The following ANKRD24 variants were observed in gnomAD, a reference collection of about 807,000 sequenced individuals.
The protein encoded by ANKRD24 is ankyrin repeat domain 24, also known as ankyrin repeat domain-containing protein 24.
ANKRD24 carries 109 observed loss-of-function variants against 127.8 expected under a neutral mutation model. The observed-to-expected ratio is 0.85, with a 90% CI of 0.73 to 1.00. ANKRD24 has a LOEUF of 1.00. Ranked by LOEUF, ANKRD24 falls within the 50% of genes least tolerant of loss-of-function variation. The pLI, the probability that ANKRD24 is intolerant of heterozygous loss-of-function variation, is 0.00. For synonymous variants in ANKRD24, 743 were observed against 671.1 expected (o/e 1.11, Z -1.66); for missense variants, 1,648 against 1,570.2 (o/e 1.05, Z -0.84).
intron 19 of ANKRD24, among the ~76,000 whole-genome samples, chr19:4,222,076 G>A (rs1410874559): frequency 1.3e-5 from 2 of 152,182 alleles, no homozygotes; most frequent in East Asian, 3.9e-4. Flanking sequence ...CTCTGTGCAG[G>A]ATCACAGCAA....
At position 4,200,116 on chromosome 19, in the gene ANKRD24, C is replaced by T. The variant is rs111250660; in HGVS notation, c.288C>T (p.Ser96=). 1.1e-4 allele frequency: 180 copies of T among 1,605,842 alleles called. 1 individual carries two copies. In the African/African-American group the frequency reaches 2.2e-3, roughly 20 times the overall value. The change falls in exon 5 of 22, where the codon AGC becomes AGT. Residue 96 remains serine (S), a synonymous_variant. Transcript: ENST00000318934. ...TGGCGGCCATGCGGGGTGCGGCCAGCTGTCTGGAGGTGATGATAGCTCATG... is the reference window on the plus strand; with the variant it reads ...TGGCGGCCATGCGGGGTGCGGCCAGTTGTCTGGAGGTGATGATAGCTCATG... ...FHLAAMRGAA[S]CLEVMIAHGS... is the part of the protein sequence containing the mutation.
At position 4,200,015 on chromosome 19, in the gene ANKRD24, C is replaced by T. The variant is rs370556051; in HGVS notation, c.254+10C>T. 38 of 1,562,608 alleles carry T rather than the reference C, an allele frequency of 2.4e-5. No individual in the cohort carries two copies. The highest frequency in any genetic ancestry group is 1.2e-4 in the African/African-American group (9 of 73,706). Reference sequence around the variant, plus strand: ...CCGAGGGCAAGTCCGCGTGAGTGCCCGCGACCCGGGAGTGAGATGGCTGAG... The same window carrying T: ...CCGAGGGCAAGTCCGCGTGAGTGCCTGCGACCCGGGAGTGAGATGGCTGAG... On this transcript the variant is annotated intron_variant, in intron 4 of 21. Transcript: ENST00000318934.
intron 20 of ANKRD24, 42 bp downstream of exon 20, chr19:4,222,837 G>T (rs1336410980): frequency 6.5e-7 from 1 of 1,547,972 alleles, no homozygotes. Context: ...CCATCAGGGT[G>T]GAGGAGTCCA....
intron 7 of ANKRD24, among the ~76,000 whole-genome samples, chr19:4,204,978 C>A (rs998160551): frequency 5.3e-5 from 8 of 152,270 alleles, no homozygotes; most frequent in African/African-American, 1.9e-4. Flanking sequence ...TGGCTCACGC[C>A]TATAATCCCA....
chr19:4,195,141 C>G lies in ANKRD24; in HGVS notation c.37-4542C>G, dbSNP rs1968634354. On this transcript the variant is annotated intron_variant, in intron 2 of 21. Coordinates refer to ENST00000318934, the MANE Select transcript of ANKRD24 (RefSeq NM_001393985.1). The surrounding 1 kb of genome is among the most constrained non-coding windows in gnomAD (Gnocchi z 4.2). ...AGGTTGGAGTGCAGTGGCACGACTT[C>G]TGCTCACTGCAAGCTCCGCCTCCCG... 6.6e-6 allele frequency among the ~76,000 whole-genome samples: 1 copy of G among 152,068 alleles called. No homozygotes were observed. The highest frequency in any genetic ancestry group is 1.5e-5 in the Non-Finnish European group (1 of 68,024).
chr19:4,188,031 C>CT, intron 2 of ANKRD24, among the ~76,000 whole-genome samples: 2 of 151,968 alleles, frequency 1.3e-5, no homozygotes, highest in Non-Finnish European at 2.9e-5. Flanking sequence ...TTTTGAAAAG[C>CT]CAAAAAGAGA....
rs761271725 is a variant in ANKRD24, at chr19:4,218,101, C to G, written c.2941C>G (p.Leu981Val). The change falls in exon 18 of 22, where the codon CTG (leucine) becomes GTG (valine). Residue 981 changes from leucine (L) to valine (V), a missense_variant. Physicochemically the swap from Leu to Val is conservative, Grantham distance 32. Transcript: ENST00000318934. ...CACCCTGCAGGCCAACGTGGCCCAG[C>G]TGGAGGGGCAGCTGGAGGAGCTGGG... is the stretch of plus-strand genomic sequence containing the variant. ...VGTLQANVAQ[L>V]EGQLEELGRR... 1.9e-5 allele frequency: 29 copies of G among 1,545,602 alleles called. No homozygotes were observed. The South Asian group carries it at 3.5e-4, about 19-fold the overall frequency.
Position 4,217,816 on chromosome 19 carries a change from G to GCTGAGCTGC in ANKRD24, c.2660_2668dup (p.Glu887_Pro889dup). 7.2e-7 allele frequency: 1 copy of GCTGAGCTGC among 1,397,336 alleles called. No individual in the cohort carries two copies. The highest frequency in any genetic ancestry group is 9.3e-7 in the Non-Finnish European group (1 of 1,080,446). The allele number at this position is 1,397,336 out of a possible 1,614,324, so 86.6% of individuals were successfully genotyped here. The stretch of plus-strand genomic sequence containing the variant: ...ACGGGACGCCGCTGAGGCCCGAGTG[G>GCTGAGCTGC]CTGAGCTGCCTGCGGCCTGCGAGGA... On this transcript the variant is annotated inframe_insertion, in exon 18 of 22. Transcript: ENST00000318934.
Position 4,217,775 on chromosome 19 carries a change from C to T in ANKRD24, c.2615C>T (p.Ala872Val), listed in dbSNP as rs1478503704. The change falls in exon 18 of 22, where the codon GCG (alanine) becomes GTG (valine). Residue 872 changes from alanine (A) to valine (V), a missense_variant. Coordinates refer to ENST00000318934, the MANE Select transcript of ANKRD24 (RefSeq NM_001393985.1). ...ATGEQQRTAA[A>V]ELGRARDAAE... is the part of the protein sequence containing the mutation. ...GGGGAGCAGCAGCGCACGGCGGCCG[C>T]GGAACTGGGCCGGGCACGGGACGCC... 1.5e-6 allele frequency: 2 copies of T among 1,306,278 alleles called. No homozygotes were observed. Among genetic ancestry groups the T allele is most frequent in the Non-Finnish European group, 9.7e-7 (1 of 1,031,094 alleles). The allele number at this position is 1,306,278 out of a possible 1,614,324, so 80.9% of individuals were successfully genotyped here. A position where few individuals can be genotyped will look rare whatever the true frequency, so the allele number is the denominator to read the frequency against.
At chr19:4,182,863 A>G (rs531826504) in intron 1 of ANKRD24, 123 bp downstream of exon 1, 93 of 501,898 alleles carry the variant, frequency 1.9e-4, no homozygotes, top group Admixed American at 6.4e-4. Context: ...TGTCCCCACA[A>G]CCCCTTTTAC....
intron 1 of ANKRD24, among the ~76,000 whole-genome samples, chr19:4,184,342 G>A (rs962647318): frequency 6.6e-6 from 1 of 152,200 alleles, no homozygotes; most frequent in Non-Finnish European, 1.5e-5. Context: ...GGCCCAGGAC[G>A]GAGGATCCCC....
rs189417803 is a variant in ANKRD24, at chr19:4,206,414, A to C, written c.467-828A>C. ...GCAGATTGCTTGAGCCCAGGAGTTC[A>C]AGAAAAGCCTGGGCAACGTAGCAAG... On this transcript the variant is annotated intron_variant, in intron 7 of 21. Coordinates refer to ENST00000318934, the MANE Select transcript of ANKRD24 (RefSeq NM_001393985.1). 4.2e-4 allele frequency among the ~76,000 whole-genome samples: 64 copies of C among 151,548 alleles called. No individual in the cohort carries two copies. The East Asian group carries it at 0.011, about 26-fold the overall frequency.
chr19:4,195,198 G>C lies in ANKRD24; in HGVS notation c.37-4485G>C, dbSNP rs564016778. ...CGCCATTCTCCTGCCTCAGTCTCCC[G>C]AGTAGCTGGGACTACAGGCGCCCAC... is the stretch of plus-strand genomic sequence containing the variant. On this transcript the variant is annotated intron_variant, in intron 2 of 21. Coordinates refer to ENST00000318934, the MANE Select transcript of ANKRD24 (RefSeq NM_001393985.1). This position sits in a 1 kb window ranked among gnomAD's most constrained non-coding sequence, Gnocchi z 4.2. Among the ~76,000 whole-genome samples, 4 of 151,766 alleles carry C rather than the reference G, an allele frequency of 2.6e-5. No individual in the cohort carries two copies. The highest frequency in any genetic ancestry group is 5.9e-5 in the Non-Finnish European group (4 of 67,898).
chr19:4,188,815 C>G (rs1049172721), intron 2 of ANKRD24, among the ~76,000 whole-genome samples: 2 of 151,902 alleles, frequency 1.3e-5, no homozygotes, highest in Non-Finnish European at 2.9e-5. Flanking sequence ...GATTTGATTT[C>G]ATTTATTTTT....
At position 4,216,544 on chromosome 19, in the gene ANKRD24, C is replaced by G; in HGVS notation, c.1390-6C>G. 6.2e-7 allele frequency: 1 copy of G among 1,602,078 alleles called. No homozygotes were observed. The highest frequency in any genetic ancestry group is 8.5e-7 in the Non-Finnish European group (1 of 1,173,732). On this transcript the variant is annotated splice_polypyrimidine_tract_variant and splice_region_variant and intron_variant, in intron 17 of 21. Coordinates refer to ENST00000318934, the MANE Select transcript of ANKRD24 (RefSeq NM_001393985.1). ...CCAGACTCCTGCCCCCCACTCCACTCCCCAGATCCTGGAGAACTTTGAGAA... is the reference window on the plus strand; with the variant it reads ...CCAGACTCCTGCCCCCCACTCCACTGCCCAGATCCTGGAGAACTTTGAGAA...
intron 2 of ANKRD24, among the ~76,000 whole-genome samples, chr19:4,190,063 T>A (rs1484596375): frequency 6.6e-6 from 1 of 151,978 alleles, no homozygotes; most frequent in Non-Finnish European, 1.5e-5. Flanking sequence ...ATCCTAAAAT[T>A]TTTCTTCCCA....
Position 4,217,541 on chromosome 19 carries a change from C to CCCGGGAGGACCTCCGAGA in ANKRD24, c.2388_2405dup (p.Glu796_Arg801dup). Reference sequence around the variant, plus strand: ...CAGCTGCGGGCGGCCCTGGAGCAGGCCCGGGAGGACCTCCGAGACCGGGAC... The same window carrying CCCGGGAGGACCTCCGAGA: ...CAGCTGCGGGCGGCCCTGGAGCAGGCCCGGGAGGACCTCCGAGACCGGGAGGACCTCCGAGACCGGGAC... On this transcript the variant is annotated inframe_insertion, in exon 18 of 22. Transcript: ENST00000318934. The CCCGGGAGGACCTCCGAGA allele has an allele frequency of 7.5e-7, 1 of 1,327,140 alleles. No homozygotes were observed. 82.2% of individuals were successfully genotyped at this position (1,327,140 alleles called of 1,614,324 possible).
At chr19:4,212,860 C>T (rs757719516) in intron 15 of ANKRD24, among the ~76,000 whole-genome samples, 162 bp downstream of exon 15, 3 of 152,164 alleles carry the variant, frequency 2.0e-5, no homozygotes, top group Admixed American at 6.5e-5. Flanking sequence ...TGGCTGGGTG[C>T]GAGGGCTTAC....
In ANKRD24 at chr19:4,207,817, C is replaced by T. The variant is rs369150437; in HGVS notation, c.681C>T (p.Pro227=). 1.2e-4 allele frequency: 186 copies of T among 1,575,484 alleles called. 1 individual carries two copies. Among genetic ancestry groups the T allele is most frequent in the Non-Finnish European group, 1.5e-4 (172 of 1,161,654 alleles). The change falls in exon 10 of 22, where the codon CCC becomes CCT. Residue 227 remains proline, a synonymous_variant. Coordinates refer to ENST00000318934, the MANE Select transcript of ANKRD24 (RefSeq NM_001393985.1). ...TGCTGGCCTGTGAGGGGGCCAGCCCCGAAACAGTGGAGGTCCTGCTGCAGG... is the reference window on the plus strand; with the variant it reads ...TGCTGGCCTGTGAGGGGGCCAGCCCTGAAACAGTGGAGGTCCTGCTGCAGG... ...ALMLACEGAS[P]ETVEVLLQGG... is the part of the protein sequence containing the mutation.
Sources: gnomAD v4.1 joint callset for allele counts (sites outside exome capture counted in the v4.1 genomes callset) on GRCh38, gnomAD v4.1.1 for gene constraint, Gnocchi (gnomAD v3.1) non-coding constraint, MANE v1.5 for transcripts, NCBI Gene and HGNC (gene_info 2026-07-23, HGNC 2026-07-21) for gene names.